Variants in CLCN3 observed in about 807,000 individuals in gnomAD.
CLCN3 encodes the protein Cl-/H+ antiporter 3, also known as H(+)/Cl(-) exchange transporter 3.
A neutral mutation model predicts 83.4 loss-of-function variants in CLCN3; 16 were observed. The ratio of observed to expected loss-of-function variants is 0.19; its 90% CI spans 0.13 to 0.29. The LOEUF (loss-of-function observed/expected upper bound fraction) is 0.29, where lower values mean the gene tolerates loss of function less well. CLCN3 is among the 10% of genes least tolerant of loss of function. The probability of loss-of-function intolerance (pLI) is 1.00; values close to 1 mark genes in which losing one functional copy is unlikely to be tolerated. For missense variants in CLCN3, 544 were observed against 1,006.0 expected (o/e 0.54, Z 6.21); for synonymous variants, 322 against 346.2 (o/e 0.93, Z 0.78).
At chr4:169,670,204 A>G (rs1391100149) in intron 2 of CLCN3, among the ~76,000 whole-genome samples, 2 of 152,118 alleles carry the variant, frequency 1.3e-5, no homozygotes, top group African/African-American at 2.4e-5. Context: ...GCCAGTGCCT[A>G]TGTCCTGAAT....
At chr4:169,715,245 A>G (rs1394130347) in intron 12 of CLCN3, among the ~76,000 whole-genome samples, 1 of 152,184 alleles carries the variant, frequency 6.6e-6, no homozygotes, top group Non-Finnish European at 1.5e-5. Context: ...AAGAAAGTGT[A>G]AAAATAACGA....
At chr4:169,641,209 C>T (rs1248845677) in intron 2 of CLCN3, among the ~76,000 whole-genome samples, 1 of 152,090 alleles carries the variant, frequency 6.6e-6, no homozygotes, top group East Asian at 1.9e-4. Flanking sequence ...GTGCTATGAT[C>T]GCACCTGTGA....
intron 2 of CLCN3, among the ~76,000 whole-genome samples, chr4:169,673,682 T>C (rs554608019): frequency 3.3e-5 from 5 of 152,140 alleles, no homozygotes; most frequent in Non-Finnish European, 7.4e-5. Flanking sequence ...ATAGTAGGCT[T>C]TTTCTTAAAG....
In CLCN3 at chr4:169,675,462, T is replaced by C. The variant is rs532030406; in HGVS notation, c.161-4588T>C. On this transcript the variant is annotated intron_variant, in intron 2 of 12. Coordinates refer to ENST00000513761, the MANE Select transcript of CLCN3 (RefSeq NM_001829.4). Reference sequence around the variant, plus strand: ...AGTCTGGGAATTTTGTTCCATTCCTTAAAAGTCCTATAATAAAATAAACAT... The same window carrying C: ...AGTCTGGGAATTTTGTTCCATTCCTCAAAAGTCCTATAATAAAATAAACAT... Among the ~76,000 whole-genome samples, 16 of 152,338 alleles carry C rather than the reference T, an allele frequency of 1.1e-4. 1 individual carries two copies. Among genetic ancestry groups the C allele is most frequent in the East Asian group, 3.9e-4 (2 of 5,190 alleles).
chr4:169,668,552 G>A (rs1038979242), intron 2 of CLCN3, among the ~76,000 whole-genome samples: 2 of 152,060 alleles, frequency 1.3e-5, no homozygotes, highest in African/African-American at 4.8e-5. Context: ...TTGACTCTAG[G>A]TCTTTCTGAC....
rs764212875 is a variant in CLCN3 at position 169,707,284 on chromosome 4, T to C, written c.2149+18T>C. The stretch of plus-strand genomic sequence containing the variant: ...TGCAATAGGTACCCTTTCAAAAATA[T>C]ATATATGTATATATGAGATGGATTT... On this transcript the variant is annotated intron_variant, in intron 11 of 12. Transcript: ENST00000513761. 2.1e-5 allele frequency: 32 copies of C among 1,498,448 alleles called. No individual in the cohort carries two copies. The highest frequency in any genetic ancestry group is 1.9e-4 in the South Asian group (14 of 73,718). 92.8% of individuals were successfully genotyped at this position (1,498,448 alleles called of 1,614,324 possible).
intron 9 of CLCN3, among the ~76,000 whole-genome samples, chr4:169,701,996 G>C (rs1226099569): frequency 2.0e-5 from 3 of 152,144 alleles, no homozygotes; most frequent in Non-Finnish European, 4.4e-5. Flanking sequence ...ATGTCCCTAG[G>C]AGGTCATATT....
At chr4:169,666,421 C>T (rs549353090) in intron 2 of CLCN3, among the ~76,000 whole-genome samples, 1 of 152,308 alleles carries the variant, frequency 6.6e-6, no homozygotes, top group East Asian at 1.9e-4. Context: ...AATGGGGATG[C>T]ATTACTATCG....
At chr4:169,708,913 A>T (rs1396583521) in intron 11 of CLCN3, among the ~76,000 whole-genome samples, 1 of 150,062 alleles carries the variant, frequency 6.7e-6, no homozygotes, top group East Asian at 1.9e-4. Flanking sequence ...AACTGGGAAA[A>T]ACAGACCTGT....
At chr4:169,715,198 AT>A (rs1733378646) in intron 12 of CLCN3, among the ~76,000 whole-genome samples, 1 of 152,148 alleles carries the variant, frequency 6.6e-6, no homozygotes, top group South Asian at 2.1e-4. Flanking sequence ...ATTCCCAGGT[AT>A]TTGGCAGCAT....
At chr4:169,675,674 A>T (rs1400411934) in intron 2 of CLCN3, among the ~76,000 whole-genome samples, 3 of 152,204 alleles carry the variant, frequency 2.0e-5, no homozygotes, top group Non-Finnish European at 4.4e-5. Flanking sequence ...ACCTATTTGA[A>T]ATTATGTATG....
rs374011809 is a variant in CLCN3, at chr4:169,711,237, A to C, written c.2150-1842A>C. On this transcript the variant is annotated intron_variant, in intron 11 of 12. Coordinates refer to ENST00000513761, the MANE Select transcript of CLCN3 (RefSeq NM_001829.4). ...TAATGATACTTCTGGTAGTTTTTAC[A>C]CTCCACTATTCAGTTGTCAGACACC... 2.0e-5 allele frequency among the ~76,000 whole-genome samples: 3 copies of C among 152,310 alleles called. No individual in the cohort carries two copies. The East Asian group carries it at 5.8e-4, about 29-fold the overall frequency.
chr4:169,621,034 A>G lies in CLCN3; in HGVS notation c.-46A>G. The G allele has an allele frequency of 2.5e-6, 1 of 397,614 alleles. No individual in the cohort carries two copies. The highest frequency in any genetic ancestry group is 4.4e-6 in the Non-Finnish European group (1 of 225,958). 24.6% of individuals were successfully genotyped at this position (397,614 alleles called of 1,614,324 possible). On this transcript the variant is annotated 5_prime_UTR_variant, in exon 1 of 13. Transcript: ENST00000513761. ...TCCAAAGGCAGCGCAAAAAACAGCCACCGATTTTGCTATGTCTCTGAGCTG... is the reference window on the plus strand; with the variant it reads ...TCCAAAGGCAGCGCAAAAAACAGCCGCCGATTTTGCTATGTCTCTGAGCTG...
intron 2 of CLCN3, among the ~76,000 whole-genome samples, chr4:169,654,040 AC>A (rs1230721020): frequency 6.6e-6 from 1 of 152,148 alleles, no homozygotes. Context: ...TTACTAGAAA[AC>A]AATTTTTTAC....
intron 1 of CLCN3, among the ~76,000 whole-genome samples, chr4:169,622,804 T>C (rs1382928510): frequency 6.6e-6 from 1 of 152,202 alleles, no homozygotes; most frequent in Non-Finnish European, 1.5e-5. Context: ...TAGTGTAGTT[T>C]AGAATAGTCA....
At chr4:169,631,715 C>T (rs1465888833) in intron 1 of CLCN3, among the ~76,000 whole-genome samples, 1 of 152,120 alleles carries the variant, frequency 6.6e-6, no homozygotes, top group East Asian at 1.9e-4. Flanking sequence ...ATCCAAATCA[C>T]CACACAATCA....
At chr4:169,698,206 A>G (rs1175527568) in intron 9 of CLCN3, among the ~76,000 whole-genome samples, 2 of 152,208 alleles carry the variant, frequency 1.3e-5, no homozygotes, top group Non-Finnish European at 2.9e-5. Flanking sequence ...TGGAGTATCC[A>G]TCACCTCAAG....
intron 1 of CLCN3, among the ~76,000 whole-genome samples, chr4:169,621,612 T>C (rs1367105397): frequency 6.6e-6 from 1 of 152,182 alleles, no homozygotes; most frequent in Non-Finnish European, 1.5e-5. Flanking sequence ...TAGAAAGAAA[T>C]TCCTGTTCAT....
rs911320035 is a variant in CLCN3 at position 169,722,208 on chromosome 4, A to G, written c.*2211A>G. ...ACTTCCTAGTTCTTAATTATAGTAT[A>G]CCTATTAAGATCTGTAAGATCCTGA... is the stretch of plus-strand genomic sequence containing the variant. On this transcript the variant is annotated 3_prime_UTR_variant, in exon 13 of 13. Transcript: ENST00000513761. 6.6e-6 allele frequency: 1 copy of G among 152,164 alleles called. No individual in the cohort carries two copies. Among genetic ancestry groups the G allele is most frequent in the African/African-American group, 2.4e-5 (1 of 41,426 alleles). 9.4% of individuals were successfully genotyped at this position (152,164 alleles called of 1,614,324 possible).
Sources: gnomAD v4.1 joint callset for allele counts (sites outside exome capture counted in the v4.1 genomes callset) on GRCh38, gnomAD v4.1.1 for gene constraint, MANE v1.5 for transcripts, NCBI Gene and HGNC (gene_info 2026-07-23, HGNC 2026-07-21) for gene names.